Variants in PTPRD observed in about 807,000 individuals in gnomAD.
The protein encoded by PTPRD is receptor-type tyrosine-protein phosphatase delta.
A neutral mutation model predicts 214.5 loss-of-function variants in PTPRD; 34 were observed. The observed-to-expected ratio is 0.16, with a 90% CI of 0.12 to 0.21. The LOEUF (loss-of-function observed/expected upper bound fraction) is 0.21, where lower values mean the gene tolerates loss of function less well. PTPRD is among the 10% of genes least tolerant of loss of function. PTPRD has a pLI of 1.00. For missense variants in PTPRD, 2,545 were observed against 2,398.7 expected, an observed-to-expected ratio of 1.06 and a Z score of -1.27; for synonymous variants, 1,128 against 845.7, an observed-to-expected ratio of 1.33 and a Z score of -5.79.
intron 8 of PTPRD, among the ~76,000 whole-genome samples, chr9:9,495,999 G>A (rs115816547): frequency 0.011 from 1,618 of 152,212 alleles, 23 homozygotes; most frequent in African/African-American, 0.035. Flanking sequence ...GTCAGCTCCC[G>A]TAGCAGCTGG....
intron 10 of PTPRD, among the ~76,000 whole-genome samples, chr9:9,182,127 A>T (rs907061106): frequency 7.2e-5 from 11 of 152,066 alleles, no homozygotes; most frequent in African/African-American, 2.4e-4. Context: ...ATGAACCCCC[A>T]TGGAAACAGG....
chr9:10,309,331 C>G (rs1224585158), intron 3 of PTPRD, among the ~76,000 whole-genome samples: 1 of 151,554 alleles, frequency 6.6e-6, no homozygotes, highest in Non-Finnish European at 1.5e-5. Context: ...TGATTTCTTT[C>G]TTCCTTTTGT....
chr9:9,218,999 T>C (rs2099954111), intron 9 of PTPRD, among the ~76,000 whole-genome samples: 1 of 152,136 alleles, frequency 6.6e-6, no homozygotes, highest in Non-Finnish European at 1.5e-5. Flanking sequence ...ATGAATATAC[T>C]ACAAGGAAAG....
At chr9:8,619,464 G>A (rs2095739377) in intron 14 of PTPRD, among the ~76,000 whole-genome samples, 2 of 151,190 alleles carry the variant, frequency 1.3e-5, no homozygotes, top group East Asian at 3.9e-4. Context: ...TTCTGTGAAT[G>A]GCTTATTTCA....
At chr9:10,276,557 A>G (rs757505379) in intron 3 of PTPRD, among the ~76,000 whole-genome samples, 13 of 152,234 alleles carry the variant, frequency 8.5e-5, no homozygotes, top group Non-Finnish European at 1.8e-4. Context: ...GCCTCTAGGT[A>G]CTTCTATAAT....
At chr9:9,087,880 T>A (rs1181366997) in intron 10 of PTPRD, among the ~76,000 whole-genome samples, 1 of 121,432 alleles carries the variant, frequency 8.2e-6, no homozygotes, top group African/African-American at 3.3e-5. Flanking sequence ...CCTAAACTCT[T>A]TTTTTTTTTT....
chr9:10,276,861 T>G (rs2154386628), intron 3 of PTPRD, among the ~76,000 whole-genome samples: 1 of 152,352 alleles, frequency 6.6e-6, no homozygotes, highest in African/African-American at 2.4e-5. Context: ...CACCATGACT[T>G]TCTCTGCTCT....
rs1392296908 is a variant in PTPRD, at chr9:8,517,932, T to C, written c.1459A>G (p.Thr487Ala). The C allele has an allele frequency of 6.2e-7, 1 of 1,614,034 alleles. No homozygotes were observed. Among genetic ancestry groups the C allele is most frequent in the African/African-American group, 1.3e-5 (1 of 74,924 alleles). The stretch of plus-strand genomic sequence containing the variant: ...AAAGCCAGGACTTTGACAGAATATG[T>C]TTTCTGGGGCACTAAGTTGCCAATA... ...TTIGNLVPQK[T>A]YSVKVLAFTS... Residue 487 changes from threonine (T) to alanine (A), a missense_variant, in exon 21 of 46, where the codon ACA (threonine) becomes GCA (alanine). Coordinates refer to ENST00000381196, the MANE Select transcript of PTPRD (RefSeq NM_002839.4).
chr9:9,452,535 AG>A (rs906515685), intron 8 of PTPRD, among the ~76,000 whole-genome samples: 4 of 151,226 alleles, frequency 2.6e-5, no homozygotes, highest in African/African-American at 9.7e-5. Flanking sequence ...TAAGAAGTAA[AG>A]AAAAACCACA....
intron 4 of PTPRD, among the ~76,000 whole-genome samples, chr9:9,958,865 C>T (rs1291724955): frequency 6.6e-6 from 1 of 152,136 alleles, no homozygotes; most frequent in African/African-American, 2.4e-5. Context: ...AAAATACTGA[C>T]AATACCAAAT....
intron 9 of PTPRD, among the ~76,000 whole-genome samples, chr9:9,218,439 G>A (rs2099953694): frequency 6.6e-6 from 1 of 152,044 alleles, no homozygotes; most frequent in African/African-American, 2.4e-5. Context: ...CTTTTTCTCA[G>A]TAACATAAAA....
At chr9:9,451,390 A>T (rs2092129753) in intron 8 of PTPRD, among the ~76,000 whole-genome samples, 1 of 151,870 alleles carries the variant, frequency 6.6e-6, no homozygotes, top group African/African-American at 2.4e-5. Context: ...CAAAATTTTA[A>T]TAACAAGAAT....
At chr9:8,666,043 T>A (rs955623987) in intron 12 of PTPRD, among the ~76,000 whole-genome samples, 4 of 151,656 alleles carry the variant, frequency 2.6e-5, no homozygotes, top group Non-Finnish European at 5.9e-5. Context: ...ATAACTGTTT[T>A]TTTTTTTTCT....
At chr9:9,785,509 A>C (rs561960417) in intron 5 of PTPRD, among the ~76,000 whole-genome samples, 1 of 152,212 alleles carries the variant, frequency 6.6e-6, no homozygotes, top group African/African-American at 2.4e-5. Context: ...TCATTCATAA[A>C]TATTACATAA....
intron 12 of PTPRD, among the ~76,000 whole-genome samples, chr9:8,661,717 CT>C (rs1416436187): frequency 6.6e-6 from 1 of 151,368 alleles, no homozygotes; most frequent in Non-Finnish European, 1.5e-5. Context: ...TTGATTTATA[CT>C]TTCACAGTTA....
At chr9:10,069,237 C>A (rs2097945174) in intron 3 of PTPRD, among the ~76,000 whole-genome samples, 1 of 151,960 alleles carries the variant, frequency 6.6e-6, no homozygotes, top group Admixed American at 6.6e-5. Context: ...GTAACCCAGA[C>A]TACAAGAATC....
chr9:9,185,004 C>CA (rs2099930462), intron 9 of PTPRD, among the ~76,000 whole-genome samples: 1 of 151,978 alleles, frequency 6.6e-6, no homozygotes, highest in Admixed American at 6.6e-5. Context: ...AATATGCTTG[C>CA]AAAACTGTTC....
intron 39 of PTPRD, among the ~76,000 whole-genome samples, chr9:8,369,749 T>A (rs541520927): frequency 1.3e-5 from 2 of 152,198 alleles, no homozygotes; most frequent in African/African-American, 2.4e-5. Flanking sequence ...TAATGTGACA[T>A]AAGATTTAGT....
chr9:9,236,333 C>A (rs2099966701), intron 9 of PTPRD, among the ~76,000 whole-genome samples: 1 of 151,920 alleles, frequency 6.6e-6, no homozygotes, highest in South Asian at 2.1e-4. Context: ...ATTTCTGATA[C>A]CTATGGGAAA....
Sources: allele counts gnomAD v4.1 joint callset (sites outside exome capture counted in the v4.1 genomes callset), GRCh38; gene constraint gnomAD v4.1.1; transcripts MANE v1.5; gene names NCBI Gene and HGNC (gene_info 2026-07-23, HGNC 2026-07-21).